The following EYA1 variants were observed in gnomAD, a reference collection of about 807,000 sequenced individuals.
EYA1 encodes the protein protein phosphatase EYA1.
A neutral mutation model predicts 82.0 loss-of-function variants in EYA1; 16 were observed. The observed-to-expected ratio is 0.20, with a 90% CI of 0.13 to 0.30. EYA1 has a LOEUF of 0.30. EYA1 is among the 10% of genes least tolerant of loss of function. The pLI is 1.00. For missense variants in EYA1, 633 were observed against 730.7 expected, an observed-to-expected ratio of 0.87 and a Z score of 1.54; for synonymous variants, 261 against 264.4, an observed-to-expected ratio of 0.99 and a Z score of 0.12.
chr8:71,407,069 G>C (rs1231193602), intron 2 of EYA1, among the ~76,000 whole-genome samples: 2 of 107,530 alleles, frequency 1.9e-5, no homozygotes, highest in African/African-American at 3.1e-5. Flanking sequence ...CCTGACCCCT[G>C]ACCCCCGAGC....
chr8:71,361,261 C>T (rs978245211), intron 1 of EYA1, among the ~76,000 whole-genome samples: 3 of 152,114 alleles, frequency 2.0e-5, no homozygotes, highest in African/African-American at 7.2e-5. Flanking sequence ...CATATATGTA[C>T]CGCTTTATTC....
At chr8:71,477,541 T>G (rs545240539) in intron 2 of EYA1, among the ~76,000 whole-genome samples, 1 of 142,778 alleles carries the variant, frequency 7.0e-6, no homozygotes, top group South Asian at 2.2e-4. Flanking sequence ...CTAGGATGAC[T>G]AAATTTTTTT....
intron 2 of EYA1, among the ~76,000 whole-genome samples, chr8:71,525,214 C>A (rs2031005373): frequency 6.6e-6 from 1 of 152,144 alleles, no homozygotes; most frequent in Admixed American, 6.5e-5. Flanking sequence ...CCTCCTCTAC[C>A]CTCACAGGTA....
chr8:71,321,671 C>T (rs1294794283), intron 6 of EYA1, 63 bp downstream of exon 6: 2 of 1,580,734 alleles, frequency 1.3e-6, no homozygotes, highest in East Asian at 4.6e-5. Context: ...AAGTACCACT[C>T]AAACATGTTA....
chr8:71,542,696 C>A (rs1202327087), intron 1 of EYA1, among the ~76,000 whole-genome samples: 2 of 152,172 alleles, frequency 1.3e-5, no homozygotes, highest in African/African-American at 2.4e-5. Flanking sequence ...TATAAGCATT[C>A]CTTTTTCTCT....
intron 2 of EYA1, among the ~76,000 whole-genome samples, chr8:71,395,620 C>G (rs1323541296): frequency 6.6e-6 from 1 of 151,670 alleles, no homozygotes; most frequent in Non-Finnish European, 1.5e-5. Flanking sequence ...GTTGAATCAG[C>G]CTTGCATCCC....
chr8:71,286,398 C>T (rs1425920969), intron 9 of EYA1, among the ~76,000 whole-genome samples: 2 of 152,150 alleles, frequency 1.3e-5, no homozygotes, highest in Non-Finnish European at 2.9e-5. Flanking sequence ...GAGTGCAGAA[C>T]CCTGGAATCA....
At chr8:71,532,911 T>C (rs1814404238) in intron 2 of EYA1, among the ~76,000 whole-genome samples, 1 of 152,296 alleles carries the variant, frequency 6.6e-6, no homozygotes, top group Admixed American at 6.5e-5. Context: ...TTTAAAAGAA[T>C]ATATCATGGA....
chr8:71,269,980 C>A (rs1247858991), intron 10 of EYA1, among the ~76,000 whole-genome samples, 157 bp from the exon 11 acceptor site: 1 of 152,148 alleles, frequency 6.6e-6, no homozygotes, highest in Non-Finnish European at 1.5e-5. Context: ...AAGAGTATCT[C>A]CTAACTTTTC....
Position 71,413,925 on chromosome 8 carries a change from A to G in EYA1, c.34-57414T>C, listed in dbSNP as rs1293693154. Among the ~76,000 whole-genome samples, 3 of 152,244 alleles carry G rather than the reference A, an allele frequency of 2.0e-5. No individual in the cohort carries two copies. The East Asian group carries it at 5.8e-4, about 29-fold the overall frequency. On this transcript the variant is annotated intron_variant, in intron 2 of 18. Coordinates refer to the EYA1 transcript ENST00000643681. The stretch of plus-strand genomic sequence containing the variant: ...ATCACAAGCTGTCACAAGTGTCACA[A>G]GCTGGGTTTCCTAGAAGGTAGAATC...
intron 17 of EYA1, chr8:71,200,257 TGTG>T (rs1225019234): frequency 2.6e-5 from 4 of 152,328 alleles, no homozygotes; most frequent in African/African-American, 9.6e-5. Flanking sequence ...AAAAAAATAA[TGTG>T]GTGCCTGGAG....
At chr8:71,327,653 C>T (rs1823310752) in intron 4 of EYA1, among the ~76,000 whole-genome samples, 1 of 152,112 alleles carries the variant, frequency 6.6e-6, no homozygotes, top group South Asian at 2.1e-4. Context: ...CTTTCACTCT[C>T]CCCACGCCAA....
chr8:71,343,430 TG>T (rs1269434830), intron 3 of EYA1, among the ~76,000 whole-genome samples: 1 of 152,184 alleles, frequency 6.6e-6, no homozygotes, highest in East Asian at 1.9e-4. Context: ...CCCTCACGAA[TG>T]TATTAATCCA....
chr8:71,360,355 GTTT>G (rs1827265601), intron 1 of EYA1, among the ~76,000 whole-genome samples: 1 of 152,112 alleles, frequency 6.6e-6, no homozygotes, highest in Admixed American at 6.6e-5. Flanking sequence ...TGCTGCAAGT[GTTT>G]TTCTTCTTTA....
chr8:71,403,795 C>T (rs1586644770), intron 2 of EYA1: 1 of 151,988 alleles, frequency 6.6e-6, no homozygotes, highest in African/African-American at 2.4e-5. Context: ...CAAAGTCTTA[C>T]AAATAATAGC....
chr8:71,368,727 A>C (rs1399444957), intron 2 of EYA1, among the ~76,000 whole-genome samples: 1 of 152,132 alleles, frequency 6.6e-6, no homozygotes, highest in Non-Finnish European at 1.5e-5. Flanking sequence ...AATACGGATG[A>C]CCTAACTCAC....
At chr8:71,519,025 G>T (rs965857375) in intron 2 of EYA1, among the ~76,000 whole-genome samples, 1 of 152,108 alleles carries the variant, frequency 6.6e-6, no homozygotes, top group African/African-American at 2.4e-5. Context: ...ATATCTTAAT[G>T]TACTGTACAG....
At chr8:71,223,086 T>G (rs965296490) in intron 12 of EYA1, among the ~76,000 whole-genome samples, 1 of 152,198 alleles carries the variant, frequency 6.6e-6, no homozygotes, top group Non-Finnish European at 1.5e-5. Context: ...AGAGCCACTG[T>G]AGTAACCGGG....
chr8:71,390,034 T>C (rs13275688), intron 2 of EYA1, among the ~76,000 whole-genome samples: 2,675 of 152,348 alleles, frequency 0.018, 45 homozygotes, highest in Non-Finnish European at 0.026. Context: ...TAGTAATACA[T>C]GTATTTTTTC....
Sources: allele counts gnomAD v4.1 joint callset (sites outside exome capture counted in the v4.1 genomes callset), GRCh38; gene constraint gnomAD v4.1.1; transcripts MANE v1.5; gene names NCBI Gene and HGNC (gene_info 2026-07-23, HGNC 2026-07-21).